Variants in VCAM1 observed in about 807,000 individuals in gnomAD.
The protein encoded by VCAM1 is vascular cell adhesion protein 1.
A neutral mutation model predicts 63.8 loss-of-function variants in VCAM1; 41 were observed. That is an observed-to-expected ratio of 0.64 (90% CI 0.50 to 0.83). The LOEUF (loss-of-function observed/expected upper bound fraction) is 0.83. Among genes scored for constraint, VCAM1 ranks in the 40% least tolerant of loss-of-function variants. The probability of loss-of-function intolerance (pLI) is 0.00; values close to 1 mark genes in which losing one functional copy is unlikely to be tolerated. For synonymous variants in VCAM1, 338 were observed against 320.7 expected (o/e 1.05, Z -0.58); for missense variants, 798 against 875.5 (o/e 0.91, Z 1.12).
intron 4 of VCAM1, among the ~76,000 whole-genome samples, chr1:100,725,896 C>G (rs1660144684): frequency 6.6e-6 from 1 of 151,956 alleles, no homozygotes; most frequent in African/African-American, 2.4e-5. Context: ...CTCACTTGCT[C>G]TTTTGTGGTG....
intron 4 of VCAM1, among the ~76,000 whole-genome samples, chr1:100,726,485 T>TA (rs1450181638): frequency 6.6e-6 from 1 of 152,072 alleles, no homozygotes; most frequent in Admixed American, 6.6e-5. Flanking sequence ...TGCCTCTGCT[T>TA]ACGCTGTTCC....
rs1660496651 is a variant in VCAM1 at position 100,732,495 on chromosome 1, T to C, written c.1603T>C (p.Leu535=). Residue 535 remains leucine (L), a synonymous_variant, in exon 7 of 9, where the codon TTG becomes CTG. Transcript: ENST00000294728. ...AGGCAGTTCTGTGAATATGACATGCTTGAGCCAGGGCTTTCCTGCTCCGAA... is the reference window on the plus strand; with the variant it reads ...AGGCAGTTCTGTGAATATGACATGCCTGAGCCAGGGCTTTCCTGCTCCGAA... ...EEGSSVNMTC[L]SQGFPAPKIL... 4.3e-6 allele frequency: 7 copies of C among 1,613,096 alleles called. No homozygotes were observed. Among genetic ancestry groups the C allele is most frequent in the Non-Finnish European group, 5.9e-6 (7 of 1,179,586 alleles).
At chr1:100,734,821 G>T (rs1342458253) in intron 8 of VCAM1, 53 bp downstream of exon 8, 2 of 1,580,538 alleles carry the variant, frequency 1.3e-6, no homozygotes, top group African/African-American at 2.7e-5. Context: ...AGGTTCCAAG[G>T]ATTACTAAGA....
chr1:100,720,879 C>A, intron 2 of VCAM1, 128 bp downstream of exon 2: 1 of 1,174,294 alleles, frequency 8.5e-7, no homozygotes, highest in African/African-American at 1.6e-5. Context: ...GAACATACAA[C>A]ATCAGGAAAG....
intron 3 of VCAM1, among the ~76,000 whole-genome samples, chr1:100,724,099 T>G (rs1184997274): frequency 1.3e-5 from 2 of 152,048 alleles, no homozygotes; most frequent in Non-Finnish European, 2.9e-5. Context: ...GGAAAAGACA[T>G]CTAATTAAGC....
intron 8 of VCAM1, chr1:100,736,496 G>A (rs1409411653): frequency 3.3e-5 from 5 of 152,102 alleles, no homozygotes; most frequent in Admixed American, 6.5e-5. Context: ...TGTATTTGAA[G>A]GTTGCCCTGG....
At position 100,720,075 on chromosome 1, in the gene VCAM1, T is replaced by C. The variant is rs369765199; in HGVS notation, c.64+151T>C. The stretch of plus-strand genomic sequence containing the variant: ...ATTTAGTCTAACTTTTAATATGCAA[T>C]TGAGTTTTGCTATATACCATTGTAC... On this transcript the variant is annotated intron_variant, in intron 1 of 8. Coordinates refer to ENST00000294728, the MANE Select transcript of VCAM1 (RefSeq NM_001078.4). The C allele has an allele frequency of 7.7e-4, 641 of 833,158 alleles. 14 individuals are homozygous for C. In the South Asian group the frequency reaches 0.012, roughly 15 times the overall value. The allele number at this position is 833,158 out of a possible 1,614,324, so 51.6% of individuals were successfully genotyped here.
In VCAM1 at chr1:100,732,698, G is replaced by A. The variant is rs1167850171; in HGVS notation, c.1792+14G>A. 1 of 1,553,892 alleles carries A rather than the reference G, an allele frequency of 6.4e-7. No homozygotes were observed. Among genetic ancestry groups the A allele is most frequent in the Admixed American group, 2.0e-5 (1 of 49,974 alleles). On this transcript the variant is annotated intron_variant, in intron 7 of 8. Coordinates refer to ENST00000294728, the MANE Select transcript of VCAM1 (RefSeq NM_001078.4). Reference sequence around the variant, plus strand: ...TAATTATCCAAGGTGAGCAGAGTGTGAGTAATGAGTTATCCTTGCTAGTAA... The same window carrying A: ...TAATTATCCAAGGTGAGCAGAGTGTAAGTAATGAGTTATCCTTGCTAGTAA...
At chr1:100,727,043 C>CTGTGTGTGTG (rs57979614) in intron 4 of VCAM1, among the ~76,000 whole-genome samples, 3,336 of 147,764 alleles carry the variant, frequency 0.023, 74 homozygotes, top group Admixed American at 0.036. Context: ...ATCAGGAATT[C>CTGTGTGTGTG]TGTGTGTGTG....
chr1:100,738,375 A>C lies in VCAM1; in HGVS notation c.*92A>C, dbSNP rs958546387. 7.2e-7 allele frequency: 1 copy of C among 1,381,204 alleles called. No homozygotes were observed. Among genetic ancestry groups the C allele is most frequent in the African/African-American group, 1.4e-5 (1 of 69,214 alleles). The allele number at this position is 1,381,204 out of a possible 1,614,324, so 85.6% of individuals were successfully genotyped here. ...TCCTTGAGAAAAACAATGAGCTGAGAGGCAGACTTCCCTGAATGTATTGAA... is the reference window on the plus strand; with the variant it reads ...TCCTTGAGAAAAACAATGAGCTGAGCGGCAGACTTCCCTGAATGTATTGAA... On this transcript the variant is annotated 3_prime_UTR_variant, in exon 9 of 9. Coordinates refer to ENST00000294728, the MANE Select transcript of VCAM1 (RefSeq NM_001078.4).
At position 100,734,765 on chromosome 1, in the gene VCAM1, C is replaced by A; in HGVS notation, c.2056C>A (p.Gln686Lys). 6.2e-7 allele frequency: 1 copy of A among 1,612,868 alleles called. No homozygotes were observed. Among genetic ancestry groups the A allele is most frequent in the South Asian group, 1.1e-5 (1 of 90,868 alleles). Residue 686 changes from glutamine to lysine, a missense_variant, in exon 8 of 9, where the codon CAA (glutamine) becomes AAA (lysine). Transcript: ENST00000294728. ...ATTAAGAAGTTTAACACTTGATGTT[C>A]AAGGTGAGTTTGTTTTGAGTTTTTG... is the stretch of plus-strand genomic sequence containing the variant. ...SQLRSLTLDV[Q>K]GRENNKDYFS...
intron 4 of VCAM1, among the ~76,000 whole-genome samples, chr1:100,726,824 G>T (rs1229696022): frequency 6.6e-6 from 1 of 152,004 alleles, no homozygotes; most frequent in Non-Finnish European, 1.5e-5. Flanking sequence ...TCCTTAGTAA[G>T]AGCCAAAATA....
chr1:100,727,677 G>C (rs1660221668), intron 4 of VCAM1, among the ~76,000 whole-genome samples: 1 of 152,034 alleles, frequency 6.6e-6, no homozygotes, highest in African/African-American at 2.4e-5. Flanking sequence ...GGCAATACAT[G>C]TGGCCACTGT....
chr1:100,737,455 A>G (rs1660696671), intron 8 of VCAM1: 1 of 152,192 alleles, frequency 6.6e-6, no homozygotes, highest in Non-Finnish European at 1.5e-5. Context: ...TATAGATTAG[A>G]GAATGCCTCT....
In VCAM1 at chr1:100,732,289, T is replaced by C. The variant is rs370287248; in HGVS notation, c.1526-129T>C. ...AGTAAATGAGGACCAAAACCTCTTG[T>C]GGTGAATTATCAAGGTTTACAAACT... is the stretch of plus-strand genomic sequence containing the variant. On this transcript the variant is annotated intron_variant, in intron 6 of 8. Coordinates refer to ENST00000294728, the MANE Select transcript of VCAM1 (RefSeq NM_001078.4). 2.3e-4 allele frequency: 222 copies of C among 949,428 alleles called. 1 individual carries two copies. In the Middle Eastern group the frequency reaches 6.2e-3, roughly 27 times the overall value. 58.8% of individuals were successfully genotyped at this position (949,428 alleles called of 1,614,324 possible).
rs1659884803 is a variant in VCAM1 at position 100,719,802 on chromosome 1, G to A, written c.-59G>A. ...CTGAATACCCTCCCAGGCACACACA[G>A]GTGGGACACAAATAAGGGTTTTGGA... On this transcript the variant is annotated 5_prime_UTR_variant, in exon 1 of 9. Transcript: ENST00000294728. The A allele has an allele frequency of 1.3e-6, 2 of 1,578,994 alleles. No homozygotes were observed. Among genetic ancestry groups the A allele is most frequent in the Admixed American group, 3.4e-5 (2 of 58,978 alleles).
chr1:100,728,726 A>G (rs1660271304), intron 4 of VCAM1, among the ~76,000 whole-genome samples: 1 of 150,190 alleles, frequency 6.7e-6, no homozygotes, highest in African/African-American at 2.4e-5. Context: ...ATATATATAT[A>G]TATATATATA....
In VCAM1 at chr1:100,731,327, C is replaced by T; in HGVS notation, c.1334C>T (p.Thr445Ile). ...RLEIELLKGE[T>I]ILENIEFLED... ...GAGATTGAATTACTTAAGGGGGAGA[C>T]TATTCTGGAGAATATAGAGTTTTTG... The change falls in exon 6 of 9, where the codon ACT becomes ATT. Residue 445 changes from threonine to isoleucine, a missense_variant. By Grantham distance (89) the Thr-to-Ile change is moderately conservative. Coordinates refer to ENST00000294728, the MANE Select transcript of VCAM1 (RefSeq NM_001078.4). The surrounding 1 kb of genome is among the most constrained non-coding windows in gnomAD (Gnocchi z 4.2). 6.2e-7 allele frequency: 1 copy of T among 1,613,710 alleles called. No individual in the cohort carries two copies. Among genetic ancestry groups the T allele is most frequent in the Non-Finnish European group, 8.5e-7 (1 of 1,179,830 alleles).
At chr1:100,721,158 T>C (rs1454762454) in intron 2 of VCAM1, among the ~76,000 whole-genome samples, 2 of 152,166 alleles carry the variant, frequency 1.3e-5, no homozygotes, top group Non-Finnish European at 2.9e-5. Flanking sequence ...TTTATTCTTA[T>C]GCAATTTGAT....
Sources: allele counts gnomAD v4.1 joint callset (sites outside exome capture counted in the v4.1 genomes callset), GRCh38; gene constraint gnomAD v4.1.1; non-coding constraint Gnocchi (gnomAD v3.1); transcripts MANE v1.5; gene names NCBI Gene and HGNC (gene_info 2026-07-23, HGNC 2026-07-21).